KCNJ6: variants seen among roughly 807,000 people sequenced by gnomAD.
KCNJ6 encodes G protein-activated inward rectifier potassium channel 2.
Under a neutral mutation model 34.2 loss-of-function variants are expected in KCNJ6, and 9 were observed. That is an observed-to-expected ratio of 0.26 (90% CI 0.16 to 0.46). The LOEUF (loss-of-function observed/expected upper bound fraction) is 0.46. Ranked by LOEUF, KCNJ6 falls within the 20% of genes least tolerant of loss-of-function variation. The pLI is 1.00. For missense variants in KCNJ6, 236 were observed against 531.3 expected (o/e 0.44, Z 5.46); for synonymous variants, 196 against 207.1 (o/e 0.95, Z 0.46).
At chr21:37,637,800 A>G (rs2054364555) in intron 3 of KCNJ6, among the ~76,000 whole-genome samples, 1 of 152,216 alleles carries the variant, frequency 6.6e-6, no homozygotes, top group African/African-American at 2.4e-5. Context: ...GGAAGAGACA[A>G]CAGAGCATGT....
At chr21:37,858,207 C>T (rs548019766) in intron 1 of KCNJ6, among the ~76,000 whole-genome samples, 5 of 151,834 alleles carry the variant, frequency 3.3e-5, no homozygotes, top group East Asian at 1.9e-4. Context: ...CTGGATAACA[C>T]GGTGAAACCC....
intron 1 of KCNJ6, among the ~76,000 whole-genome samples, chr21:37,887,797 T>C (rs2055743012): frequency 6.6e-6 from 1 of 152,254 alleles, no homozygotes; most frequent in Non-Finnish European, 1.5e-5. Flanking sequence ...CTTCCAGCCC[T>C]TCACCATGAA....
chr21:37,745,139 C>T (rs1285175262), intron 2 of KCNJ6, among the ~76,000 whole-genome samples: 1 of 124,360 alleles, frequency 8.0e-6, no homozygotes, highest in Admixed American at 9.9e-5. Flanking sequence ...GTGGCCCAGG[C>T]TAGAGTTTGG....
chr21:37,836,160 T>G (rs980688582), intron 2 of KCNJ6, among the ~76,000 whole-genome samples: 7 of 152,094 alleles, frequency 4.6e-5, no homozygotes, highest in Non-Finnish European at 1.0e-4. Context: ...CACTGGTCAT[T>G]AGAGAAATGC....
intron 3 of KCNJ6, among the ~76,000 whole-genome samples, chr21:37,682,674 T>C (rs1377193112): frequency 1.3e-5 from 2 of 152,206 alleles, no homozygotes; most frequent in African/African-American, 4.8e-5. Flanking sequence ...GTTTTTCCTA[T>C]AAGGCCCCAT....
At chr21:37,672,198 G>A (rs141443167) in intron 3 of KCNJ6, among the ~76,000 whole-genome samples, 14 of 152,140 alleles carry the variant, frequency 9.2e-5, no homozygotes, top group Admixed American at 6.5e-4. Context: ...TGATTGGGTC[G>A]GAAATGGCAT....
intron 2 of KCNJ6, among the ~76,000 whole-genome samples, chr21:37,792,109 C>T (rs560801579): frequency 3.9e-5 from 6 of 152,326 alleles, no homozygotes; most frequent in African/African-American, 1.4e-4. Flanking sequence ...GGTGCACATT[C>T]TCCTGGGCCA....
chr21:37,756,825 T>G (rs868350691), intron 2 of KCNJ6, among the ~76,000 whole-genome samples: 3 of 118,190 alleles, frequency 2.5e-5, no homozygotes, highest in South Asian at 2.7e-4. Context: ...TCCCTCACAG[T>G]GTGATGATTC....
intron 1 of KCNJ6, among the ~76,000 whole-genome samples, chr21:37,884,963 T>A (rs2055728090): frequency 6.6e-6 from 1 of 152,242 alleles, no homozygotes; most frequent in Non-Finnish European, 1.5e-5. Context: ...AATGCTGGTC[T>A]AGAGCTTCTT....
intron 1 of KCNJ6, among the ~76,000 whole-genome samples, chr21:37,874,554 G>C (rs1033647327): frequency 6.6e-6 from 1 of 152,192 alleles, no homozygotes; most frequent in Admixed American, 6.5e-5. Flanking sequence ...CAAATTATAA[G>C]TATTTATGCA....
chr21:37,881,981 A>G (rs1197283980), intron 1 of KCNJ6, among the ~76,000 whole-genome samples: 1 of 152,094 alleles, frequency 6.6e-6, no homozygotes, highest in Non-Finnish European at 1.5e-5. Context: ...AGCTGCTTAA[A>G]CATTATAGGG....
At chr21:37,894,710 C>T (rs915833129) in intron 1 of KCNJ6, among the ~76,000 whole-genome samples, 14 of 152,192 alleles carry the variant, frequency 9.2e-5, no homozygotes, top group African/African-American at 3.1e-4. Flanking sequence ...CTCCCTCATG[C>T]AGCATTAACT....
chr21:37,758,430 T>C (rs1053506653), intron 2 of KCNJ6, among the ~76,000 whole-genome samples: 2 of 152,224 alleles, frequency 1.3e-5, no homozygotes, highest in Non-Finnish European at 2.9e-5. Context: ...AGTGGTAAGC[T>C]GGTAAACCAA....
intron 3 of KCNJ6, among the ~76,000 whole-genome samples, chr21:37,673,628 A>G (rs1341262612): frequency 6.6e-6 from 1 of 152,220 alleles, no homozygotes; most frequent in African/African-American, 2.4e-5. Flanking sequence ...CAGGGATGAG[A>G]CAGAAATGAG....
At chr21:37,715,275 C>A in intron 2 of KCNJ6, 144 bp from the exon 3 acceptor site, 1 of 702,952 alleles carries the variant, frequency 1.4e-6, no homozygotes. Context: ...ATTTTTATTC[C>A]ACACCATCTG....
intron 2 of KCNJ6, among the ~76,000 whole-genome samples, chr21:37,730,114 G>T (rs1455118519): frequency 3.9e-4 from 60 of 152,322 alleles, no homozygotes; most frequent in Admixed American, 3.9e-3. Context: ...CCTTCTGAGA[G>T]CAAGAAGAAA....
chr21:37,678,774 G>A (rs558507231), intron 3 of KCNJ6, among the ~76,000 whole-genome samples: 1 of 152,314 alleles, frequency 6.6e-6, no homozygotes, highest in Non-Finnish European at 1.5e-5. Context: ...CGTAAACTCA[G>A]GGAGCACCTA....
intron 2 of KCNJ6, among the ~76,000 whole-genome samples, chr21:37,835,239 C>G (rs1568865996): frequency 6.6e-6 from 1 of 152,126 alleles, no homozygotes; most frequent in Non-Finnish European, 1.5e-5. Context: ...GAGAAGGGGA[C>G]AGAAGTGTGA....
At chr21:37,792,124 G>A (rs183316401) in intron 2 of KCNJ6, among the ~76,000 whole-genome samples, 19 of 152,338 alleles carry the variant, frequency 1.2e-4, no homozygotes, top group African/African-American at 3.8e-4. Context: ...GGGCCAGTAG[G>A]TTTATCAGAA....
Sources: gnomAD v4.1 joint callset for allele counts (sites outside exome capture counted in the v4.1 genomes callset) on GRCh38, gnomAD v4.1.1 for gene constraint, MANE v1.5 for transcripts, NCBI Gene and HGNC (gene_info 2026-07-23, HGNC 2026-07-21) for gene names.